Variants in STON2 observed in about 807,000 individuals in gnomAD.
The protein encoded by STON2 is stonin 2, also known as stonin-2.
Under a neutral mutation model 65.7 loss-of-function variants are expected in STON2, and 29 were observed. The observed-to-expected ratio is 0.44, with a 90% CI of 0.33 to 0.60. The LOEUF (loss-of-function observed/expected upper bound fraction) is 0.60, where lower values mean the gene tolerates loss of function less well. STON2 is among the 20% of genes least tolerant of loss of function. The probability of loss-of-function intolerance (pLI) is 0.03; values close to 1 mark genes in which losing one functional copy is unlikely to be tolerated. For missense variants in STON2, 1,054 were observed against 1,118.1 expected (o/e 0.94, Z 0.82); for synonymous variants, 404 against 414.2 (o/e 0.98, Z 0.30).
intron 5 of STON2, among the ~76,000 whole-genome samples, chr14:81,294,530 T>C (rs898269296): frequency 1.3e-5 from 2 of 152,228 alleles, no homozygotes; most frequent in African/African-American, 2.4e-5. Context: ...CTAAGGCCTA[T>C]TGAGATAATA....
At chr14:81,336,506 G>A (rs750453671) in intron 4 of STON2, among the ~76,000 whole-genome samples, 1 of 152,058 alleles carries the variant, frequency 6.6e-6, no homozygotes, top group Admixed American at 6.6e-5. Context: ...AAATACTTAA[G>A]TGAAGGGCCA....
chr14:81,371,124 A>G lies in STON2; in HGVS notation c.435T>C (p.Pro145=). 6.2e-6 allele frequency: 10 copies of G among 1,614,166 alleles called. No homozygotes were observed. Among genetic ancestry groups the G allele is most frequent in the Non-Finnish European group, 8.5e-6 (10 of 1,180,022 alleles). ...CPSFDSLGRC[P]LTSESSWTTH... ...TGGTCCAGCTGCTCTCAGAAGTCAG[A>G]GGGCATCTCCCCAGGGAGTCAAAGG... The change falls in exon 4 of 8, where the codon CCT becomes CCC. Residue 145 remains proline, a synonymous_variant. Transcript: ENST00000614646.
chr14:81,390,816 A>C (rs1240389990), intron 3 of STON2, among the ~76,000 whole-genome samples: 1 of 152,230 alleles, frequency 6.6e-6, no homozygotes, highest in African/African-American at 2.4e-5. Context: ...TGAGATGAGA[A>C]TCACTGTGCT....
chr14:81,390,954 G>A (rs989364316), intron 3 of STON2, among the ~76,000 whole-genome samples: 2 of 152,190 alleles, frequency 1.3e-5, no homozygotes, highest in Non-Finnish European at 2.9e-5. Context: ...AAATCTTTAA[G>A]ATCAGCATTT....
At chr14:81,381,506 G>A (rs1899513416) in intron 3 of STON2, among the ~76,000 whole-genome samples, 1 of 151,458 alleles carries the variant, frequency 6.6e-6, no homozygotes. Context: ...TAGCTGAACA[G>A]GGATTTCATG....
At chr14:81,386,433 C>G (rs1899809658) in intron 3 of STON2, among the ~76,000 whole-genome samples, 1 of 152,132 alleles carries the variant, frequency 6.6e-6, no homozygotes, top group Non-Finnish European at 1.5e-5. Flanking sequence ...AGCTGTCACC[C>G]CTGCCTCCCT....
At chr14:81,416,247 A>G (rs966882988) in intron 2 of STON2, among the ~76,000 whole-genome samples, 2 of 152,146 alleles carry the variant, frequency 1.3e-5, no homozygotes, top group Admixed American at 1.3e-4. Context: ...ATCTATTACC[A>G]TTATTATTTC....
At chr14:81,296,808 T>A (rs1895779031) in intron 5 of STON2, among the ~76,000 whole-genome samples, 1 of 152,158 alleles carries the variant, frequency 6.6e-6, no homozygotes, top group Non-Finnish European at 1.5e-5. Flanking sequence ...TCAGCATGCA[T>A]TTGATAAATG....
At chr14:81,298,616 A>C (rs546313429) in intron 5 of STON2, among the ~76,000 whole-genome samples, 1 of 152,330 alleles carries the variant, frequency 6.6e-6, no homozygotes, top group Non-Finnish European at 1.5e-5. Context: ...CAAGGAAGAG[A>C]AACTACAGAA....
At chr14:81,418,770 T>A (rs182643958) in intron 2 of STON2, among the ~76,000 whole-genome samples, 93 of 152,362 alleles carry the variant, frequency 6.1e-4, no homozygotes, top group African/African-American at 2.2e-3. Context: ...AATTTATTAA[T>A]TTGGGATTGA....
rs529325665 is a variant in STON2, at chr14:81,369,354, A to G, written c.571+1634T>C. On this transcript the variant is annotated intron_variant, in intron 4 of 7. Transcript: ENST00000614646. ...TTATAAGCTGTGGAGGCAGACTAAT[A>G]ATGTCTAGTTCAGGCTAGGGCTCTG... 8.5e-5 allele frequency among the ~76,000 whole-genome samples: 13 copies of G among 152,282 alleles called. No homozygotes were observed. In the East Asian group the frequency reaches 2.1e-3, roughly 25 times the overall value.
chr14:81,370,862 G>C (rs1898951900), intron 4 of STON2, 126 bp downstream of exon 4: 1 of 846,716 alleles, frequency 1.2e-6, no homozygotes, highest in Admixed American at 2.6e-5. Flanking sequence ...TTTTTGACTG[G>C]ATAACAACAC....
At chr14:81,313,810 T>A (rs149669465) in intron 5 of STON2, among the ~76,000 whole-genome samples, 6 of 139,824 alleles carry the variant, frequency 4.3e-5, no homozygotes, top group African/African-American at 5.3e-5. Context: ...AAAAAAAAAA[T>A]ACACACACAC....
intron 4 of STON2, among the ~76,000 whole-genome samples, chr14:81,347,870 T>C (rs1245447430): frequency 1.6e-5 from 2 of 128,538 alleles, no homozygotes; most frequent in Non-Finnish European, 3.1e-5. Context: ...GATCGTGCCA[T>C]TGCAGCAACA....
At chr14:81,353,694 A>C (rs1898109960) in intron 4 of STON2, among the ~76,000 whole-genome samples, 1 of 152,186 alleles carries the variant, frequency 6.6e-6, no homozygotes, top group Non-Finnish European at 1.5e-5. Context: ...TAGGATTCTC[A>C]AACACTTCCC....
chr14:81,419,742 T>G (rs543256135), intron 2 of STON2, among the ~76,000 whole-genome samples: 1 of 152,308 alleles, frequency 6.6e-6, no homozygotes, highest in South Asian at 2.1e-4. Context: ...GGTGTGAACA[T>G]ATCTTAGGCC....
At position 81,398,578 on chromosome 14, in the gene STON2, A is replaced by G. The variant is rs1037212653; in HGVS notation, c.-196T>C. On this transcript the variant is annotated splice_region_variant and 5_prime_UTR_variant, in exon 2 of 8. Transcript: ENST00000614646. Reference sequence around the variant, plus strand: ...GCCGTTGGTTAATCTGCCAGGCAGAAATCTGTTTAACAAACAAACAAACAA... The same window carrying G: ...GCCGTTGGTTAATCTGCCAGGCAGAGATCTGTTTAACAAACAAACAAACAA... The G allele has an allele frequency of 3.3e-5, 16 of 478,338 alleles. No individual in the cohort carries two copies. The highest frequency in any genetic ancestry group is 3.2e-4 in the African/African-American group (16 of 50,462). 29.6% of individuals were successfully genotyped at this position (478,338 alleles called of 1,614,324 possible).
chr14:81,289,762 C>T lies in STON2; in HGVS notation c.743-11023G>A, dbSNP rs1470757585. On this transcript the variant is annotated intron_variant, in intron 5 of 7. Transcript: ENST00000614646. ...CGGGGCTGCACTTTGGCCACCAGAG[C>T]CGGCCAGTCCCCTAGCTGCTCTTAC... is the stretch of plus-strand genomic sequence containing the variant. 2.0e-5 allele frequency among the ~76,000 whole-genome samples: 3 copies of T among 152,180 alleles called. No individual in the cohort carries two copies. In the East Asian group the frequency reaches 5.8e-4, roughly 29 times the overall value.
At chr14:81,370,906 CA>C in intron 4 of STON2, 81 bp downstream of exon 4, 1 of 1,326,734 alleles carries the variant, frequency 7.5e-7, no homozygotes, top group Admixed American at 2.0e-5. Context: ...CCAGCTGCAG[CA>C]ATTTTTAAAA....
Sources: allele counts gnomAD v4.1 joint callset (sites outside exome capture counted in the v4.1 genomes callset), GRCh38; gene constraint gnomAD v4.1.1; transcripts MANE v1.5; gene names NCBI Gene and HGNC (gene_info 2026-07-23, HGNC 2026-07-21).